SWT1: variants seen among roughly 807,000 people sequenced by gnomAD.
SWT1 encodes transcriptional protein SWT1.
In SWT1, 33 loss-of-function variants were observed where a neutral mutation model predicts 107.3. The ratio of observed to expected loss-of-function variants is 0.31; its 90% confidence interval spans 0.23 to 0.41. The LOEUF is 0.41. Ranked by LOEUF, SWT1 falls within the 10% of genes least tolerant of loss-of-function variation. SWT1 has a pLI of 1.00. For missense variants in SWT1, 898 were observed against 1,028.9 expected (o/e 0.87, Z 1.74); for synonymous variants, 345 against 348.3 (o/e 0.99, Z 0.11).
intron 13 of SWT1, among the ~76,000 whole-genome samples, chr1:185,210,135 C>T (rs999524998): frequency 1.3e-4 from 20 of 152,000 alleles, no homozygotes; most frequent in Non-Finnish European, 2.4e-4. Flanking sequence ...TTTGTCAGAT[C>T]GATAGATTGC....
At chr1:185,175,630 CT>C (rs1363029154) in intron 5 of SWT1, among the ~76,000 whole-genome samples, 1 of 151,998 alleles carries the variant, frequency 6.6e-6, no homozygotes, top group African/African-American at 2.4e-5. Context: ...TTAATTCCAA[CT>C]TTTTTAGGAA....
intron 1 of SWT1, among the ~76,000 whole-genome samples, chr1:185,158,697 G>C (rs747737119): frequency 6.6e-6 from 1 of 152,152 alleles, no homozygotes; most frequent in African/African-American, 2.4e-5. Context: ...GTCTGTGCTT[G>C]TAAGACATCC....
chr1:185,241,352 T>G (rs1661244328), intron 16 of SWT1, among the ~76,000 whole-genome samples: 1 of 152,128 alleles, frequency 6.6e-6, no homozygotes, highest in South Asian at 2.1e-4. Flanking sequence ...CTTTTCACCC[T>G]TAGATAATTA....
intron 16 of SWT1, among the ~76,000 whole-genome samples, chr1:185,261,676 T>C (rs960970230): frequency 2.6e-5 from 1 of 39,142 alleles, no homozygotes; most frequent in Non-Finnish European, 4.5e-5. Context: ...TTTTCTGCTT[T>C]TTTTTTTTTT....
chr1:185,285,313 C>T (rs756246479), intron 18 of SWT1, among the ~76,000 whole-genome samples: 6 of 152,144 alleles, frequency 3.9e-5, no homozygotes, highest in Non-Finnish European at 8.8e-5. Flanking sequence ...GAACTAGCAC[C>T]TCTCATTTTG....
intron 17 of SWT1, among the ~76,000 whole-genome samples, chr1:185,274,312 T>C (rs1664092923): frequency 1.4e-5 from 2 of 147,998 alleles, no homozygotes; most frequent in Admixed American, 1.4e-4. Context: ...ATATATTTTA[T>C]ATATATATTA....
chr1:185,240,002 T>C (rs1381269696), intron 16 of SWT1, among the ~76,000 whole-genome samples: 1 of 152,088 alleles, frequency 6.6e-6, no homozygotes, highest in Non-Finnish European at 1.5e-5. Flanking sequence ...AAACAGGTCA[T>C]GTAATCCAAC....
chr1:185,288,518 C>G (rs1665076824), intron 18 of SWT1, among the ~76,000 whole-genome samples: 1 of 152,186 alleles, frequency 6.6e-6, no homozygotes, highest in African/African-American at 2.4e-5. Context: ...CCCCTCAGTT[C>G]TTCTTCCTTT....
At chr1:185,289,678 TAAAAA>T (rs202035890) in intron 18 of SWT1, among the ~76,000 whole-genome samples, 2 of 152,014 alleles carry the variant, frequency 1.3e-5, no homozygotes, top group Admixed American at 1.3e-4. Context: ...TATTCACTCT[TAAAAA>T]AAGAAGAAAA....
chr1:185,230,018 A>T (rs77146643), intron 15 of SWT1, among the ~76,000 whole-genome samples: 6,805 of 152,260 alleles, frequency 0.045, 359 homozygotes, highest in African/African-American at 0.11. Context: ...GGTGATGGTT[A>T]CACAGCATTG....
At chr1:185,177,801 CT>C (rs1273920722) in intron 5 of SWT1, among the ~76,000 whole-genome samples, 2 of 152,158 alleles carry the variant, frequency 1.3e-5, no homozygotes, top group Non-Finnish European at 2.9e-5. Flanking sequence ...AAACCTCCCC[CT>C]CATTGAAAAT....
chr1:185,178,346 T>G (rs1655739729), intron 5 of SWT1, among the ~76,000 whole-genome samples: 1 of 152,084 alleles, frequency 6.6e-6, no homozygotes, highest in Non-Finnish European at 1.5e-5. Context: ...CTCTAGACAA[T>G]GGATGATTTC....
chr1:185,261,559 G>A (rs1344698127), intron 16 of SWT1, among the ~76,000 whole-genome samples: 1 of 151,940 alleles, frequency 6.6e-6, no homozygotes, highest in Non-Finnish European at 1.5e-5. Context: ...TTTTAATATT[G>A]TCAGGAACTA....
At chr1:185,171,735 AT>A (rs368209579) in intron 4 of SWT1, 450 of 403,146 alleles carry the variant, frequency 1.1e-3, no homozygotes, top group Middle Eastern at 1.6e-3. Flanking sequence ...CAGAAAGGGC[AT>A]TTTTTTTTTC....
chr1:185,206,029 G>T (rs1658305024), intron 12 of SWT1, among the ~76,000 whole-genome samples: 1 of 151,886 alleles, frequency 6.6e-6, no homozygotes, highest in South Asian at 2.1e-4. Context: ...CGTGATCTCG[G>T]CTCACTGCAA....
chr1:185,252,765 G>A (rs1275693323), intron 16 of SWT1, among the ~76,000 whole-genome samples: 8 of 152,168 alleles, frequency 5.3e-5, no homozygotes, highest in Admixed American at 5.2e-4. Context: ...TTCTTTTGCT[G>A]TACAGAAGCT....
At chr1:185,282,363 T>G (rs1664684266) in intron 18 of SWT1, among the ~76,000 whole-genome samples, 1 of 150,610 alleles carries the variant, frequency 6.6e-6, no homozygotes, top group Admixed American at 6.6e-5. Context: ...AAGACACAAT[T>G]AAATGGTTTG....
At chr1:185,245,926 G>A (rs1214101963) in intron 16 of SWT1, among the ~76,000 whole-genome samples, 2 of 151,846 alleles carry the variant, frequency 1.3e-5, no homozygotes, top group Non-Finnish European at 1.5e-5. Flanking sequence ...CCACCATCAT[G>A]CCTGGCTAAT....
intron 16 of SWT1, among the ~76,000 whole-genome samples, chr1:185,249,811 T>C (rs1311113441): frequency 6.6e-6 from 1 of 152,224 alleles, no homozygotes; most frequent in Non-Finnish European, 1.5e-5. Flanking sequence ...GACTCTGCTC[T>C]CTGGGCTCTT....
Sources: gnomAD v4.1 joint callset for allele counts (sites outside exome capture counted in the v4.1 genomes callset) on GRCh38, gnomAD v4.1.1 for gene constraint, MANE v1.5 for transcripts, NCBI Gene and HGNC (gene_info 2026-07-23, HGNC 2026-07-21) for gene names.